The following PADI2 variants were observed in gnomAD, a reference collection of about 807,000 sequenced individuals.
PADI2 encodes protein-arginine deiminase type-2.
Under a neutral mutation model 81.1 loss-of-function variants are expected in PADI2, and 70 were observed. That is an observed-to-expected ratio of 0.86 (90% CI 0.71 to 1.05). The LOEUF (loss-of-function observed/expected upper bound fraction) is 1.05, where lower values mean the gene tolerates loss of function less well. Among genes scored for constraint, PADI2 ranks in the 50% least tolerant of loss-of-function variants. PADI2 has a pLI of 0.00. For synonymous variants in PADI2, 338 were observed against 358.0 expected (o/e 0.94, Z 0.63); for missense variants, 853 against 889.9 (o/e 0.96, Z 0.53).
At chr1:17,117,879 C>T (rs1191277339) in intron 1 of PADI2, among the ~76,000 whole-genome samples, 1 of 152,156 alleles carries the variant, frequency 6.6e-6, no homozygotes, top group African/African-American at 2.4e-5. Context: ...GCTCTTGCAC[C>T]CCACCAGAGC....
intron 4 of PADI2, 77 bp from the exon 5 acceptor site, chr1:17,093,761 C>T (rs942376609): frequency 1.6e-5 from 14 of 883,574 alleles, no homozygotes; most frequent in Non-Finnish European, 2.6e-5. Context: ...GAGAGATAGC[C>T]CCAGGATGAG....
intron 2 of PADI2, among the ~76,000 whole-genome samples, chr1:17,104,431 CTTTTT>C (rs1217484961): frequency 3.8e-5 from 3 of 79,816 alleles, no homozygotes; most frequent in African/African-American, 4.9e-5. Context: ...TTTGCCTTTT[CTTTTT>C]TTTTTTTTTT....
chr1:17,119,356 T>G lies in PADI2; in HGVS notation c.16A>C (p.Thr6Pro). The G allele has an allele frequency of 6.5e-7, 1 of 1,538,718 alleles. No homozygotes were observed. Among genetic ancestry groups the G allele is most frequent in the Non-Finnish European group, 8.8e-7 (1 of 1,142,734 alleles). MLRER[T>P]VRLQYGSRVE... Reference sequence around the variant, plus strand: ...CGGCTCCCGTACTGCAGCCGCACGGTCCGCTCGCGCAGCATCCTCCCCGCC... The same window carrying G: ...CGGCTCCCGTACTGCAGCCGCACGGGCCGCTCGCGCAGCATCCTCCCCGCC... Residue 6 changes from threonine to proline, a missense_variant, in exon 1 of 16, where the codon ACC (threonine) becomes CCC (proline). Transcript: ENST00000375486. The surrounding 1 kb of genome is among the most constrained non-coding windows in gnomAD (Gnocchi z 4.8).
At chr1:17,110,944 G>A (rs1264175746) in intron 1 of PADI2, among the ~76,000 whole-genome samples, 2 of 152,088 alleles carry the variant, frequency 1.3e-5, no homozygotes, top group Non-Finnish European at 2.9e-5. Flanking sequence ...TGGAGGAGGC[G>A]GGCTTACTTA....
At chr1:17,074,720 ACC>A in intron 13 of PADI2, 134 bp downstream of exon 13, 1 of 591,350 alleles carries the variant, frequency 1.7e-6, no homozygotes, top group Non-Finnish European at 3.0e-6. Context: ...GACCTCACAA[ACC>A]CCCGATCGGG....
intron 1 of PADI2, among the ~76,000 whole-genome samples, chr1:17,106,531 C>G (rs1460418423): frequency 6.6e-6 from 1 of 151,842 alleles, no homozygotes; most frequent in Admixed American, 6.6e-5. Context: ...CAACCTCTGC[C>G]TCCCGGGTTC....
At chr1:17,069,339 C>T (rs1382282712) in intron 15 of PADI2, 62 bp from the exon 16 acceptor site, 4 of 1,254,400 alleles carry the variant, frequency 3.2e-6, no homozygotes, top group Non-Finnish European at 4.6e-6. Flanking sequence ...ACACACATGC[C>T]TATCCTAAGC....
chr1:17,068,995 G>A lies in PADI2; in HGVS notation c.*49C>T, dbSNP rs1355825729. The stretch of plus-strand genomic sequence containing the variant: ...CAGAAGGCTCTGGGCGTGTGAGGGA[G>A]GGTCTGGAGAACTAAGCGAAGGAGG... On this transcript the variant is annotated 3_prime_UTR_variant, in exon 16 of 16. Transcript: ENST00000375486. 7.5e-7 allele frequency: 1 copy of A among 1,336,762 alleles called. No individual in the cohort carries two copies. The highest frequency in any genetic ancestry group is 2.3e-5 in the East Asian group (1 of 43,560). 82.8% of individuals were successfully genotyped at this position (1,336,762 alleles called of 1,614,324 possible).
chr1:17,103,106 G>C, intron 2 of PADI2, 47 bp from the exon 3 acceptor site: 1 of 1,370,810 alleles, frequency 7.3e-7, no homozygotes, highest in Non-Finnish European at 1.0e-6. Flanking sequence ...AGAGAGCAGA[G>C]ATCACAGATC....
intron 1 of PADI2, among the ~76,000 whole-genome samples, chr1:17,108,009 C>T (rs568572290): frequency 4.0e-5 from 6 of 149,522 alleles, no homozygotes; most frequent in Middle Eastern, 3.2e-3. Flanking sequence ...AGTGTAGTGG[C>T]GTGATCTCAG....
chr1:17,107,431 A>G (rs915234242), intron 1 of PADI2, among the ~76,000 whole-genome samples: 1 of 152,202 alleles, frequency 6.6e-6, no homozygotes, highest in Admixed American at 6.5e-5. Flanking sequence ...AGCGGCTGTC[A>G]AAGTGCAGCA....
chr1:17,070,108 T>C lies in PADI2; in HGVS notation c.1744A>G (p.Arg582Gly). Residue 582 changes from arginine to glycine, a missense_variant, in exon 15 of 16, where the codon AGA becomes GGA. Physicochemically the swap from Arg to Gly is moderately radical, Grantham distance 125. Transcript: ENST00000375486. Reference protein sequence around the residue: ...LFKMDEDHRARAFFPNMVNMI... With the variant: ...LFKMDEDHRAGAFFPNMVNMI... ...CTCACCATGTTTGGGAAGAAGGCTCTGGCACGGTGGTCCTCGTCCATCTTG... is the reference window on the plus strand; with the variant it reads ...CTCACCATGTTTGGGAAGAAGGCTCCGGCACGGTGGTCCTCGTCCATCTTG... 1 of 1,614,062 alleles carries C rather than the reference T, an allele frequency of 6.2e-7. No homozygotes were observed. Among genetic ancestry groups the C allele is most frequent in the Non-Finnish European group, 8.5e-7 (1 of 1,179,930 alleles).
chr1:17,092,300 C>G, intron 6 of PADI2, 108 bp downstream of exon 6: 1 of 865,568 alleles, frequency 1.2e-6, no homozygotes. Flanking sequence ...ACTCAGAGAC[C>G]AATCCAGGTC....
chr1:17,072,472 T>C (rs115385150), intron 13 of PADI2, among the ~76,000 whole-genome samples: 1,535 of 152,302 alleles, frequency 0.01, 23 homozygotes, highest in African/African-American at 0.035. Context: ...TTTTATCATC[T>C]TTTAAAGGGA....
intron 4 of PADI2, among the ~76,000 whole-genome samples, chr1:17,095,307 C>T (rs1476055516): frequency 6.6e-6 from 1 of 152,216 alleles, no homozygotes; most frequent in Non-Finnish European, 1.5e-5. Context: ...ACCAACCACA[C>T]CACATGCCTC....
chr1:17,094,243 T>C (rs1026182781), intron 4 of PADI2, among the ~76,000 whole-genome samples: 1 of 152,202 alleles, frequency 6.6e-6, no homozygotes, highest in African/African-American at 2.4e-5. Context: ...TTGCTGTGGC[T>C]TGGAAGGCCT....
At chr1:17,085,120 C>T (rs983071823) in intron 7 of PADI2, among the ~76,000 whole-genome samples, 2 of 152,264 alleles carry the variant, frequency 1.3e-5, no homozygotes. Flanking sequence ...GCCAGCCCCC[C>T]ACCTTCCTCT....
chr1:17,104,431 C>CTTTTTTTTTTTTTTTTTTTTTTTTTTTT, intron 2 of PADI2, among the ~76,000 whole-genome samples: 1 of 79,790 alleles, frequency 1.3e-5, no homozygotes, highest in Non-Finnish European at 2.2e-5. Context: ...TTTGCCTTTT[C>CTTTTTTTTTTTTTTTTTTTTTTTTTTTT]TTTTTTTTTT....
At chr1:17,096,914 C>T (rs2101597943) in intron 3 of PADI2, among the ~76,000 whole-genome samples, 1 of 152,324 alleles carries the variant, frequency 6.6e-6, no homozygotes, top group South Asian at 2.1e-4. Context: ...GCAGCCTGTG[C>T]ATTGTAGGAT....
Sources: gnomAD v4.1 joint callset for allele counts (sites outside exome capture counted in the v4.1 genomes callset) on GRCh38, gnomAD v4.1.1 for gene constraint, Gnocchi (gnomAD v3.1) non-coding constraint, MANE v1.5 for transcripts, NCBI Gene and HGNC (gene_info 2026-07-23, HGNC 2026-07-21) for gene names.